The following DENND4C variants were observed in gnomAD, a reference collection of about 807,000 sequenced individuals.
DENND4C encodes the protein DENN domain containing 4C.
Under a neutral mutation model 203.0 loss-of-function variants are expected in DENND4C, and 108 were observed. The ratio of observed to expected loss-of-function variants is 0.53; its 90% CI spans 0.46 to 0.62. The LOEUF (loss-of-function observed/expected upper bound fraction) is 0.62, where lower values mean the gene tolerates loss of function less well. Ranked by LOEUF, DENND4C falls within the 20% of genes least tolerant of loss-of-function variation. The pLI is 0.00. For missense variants in DENND4C, 2,481 were observed against 2,301.2 expected (o/e 1.08, Z -1.60); for synonymous variants, 871 against 792.4 (o/e 1.10, Z -1.67).
intron 1 of DENND4C, among the ~76,000 whole-genome samples, chr9:19,267,259 T>C (rs541737185): frequency 6.2e-4 from 94 of 152,342 alleles, no homozygotes; most frequent in Middle Eastern, 3.4e-3. Flanking sequence ...TTAGCTCTAA[T>C]AATGTTTACT....
At chr9:19,350,635 G>T in intron 23 of DENND4C, 67 bp from the exon 24 acceptor site, 1 of 1,333,672 alleles carries the variant, frequency 7.5e-7, no homozygotes, top group Non-Finnish European at 1.0e-6. Context: ...GAAAAGGGTA[G>T]AGTGGGTATA....
At chr9:19,344,974 C>G (rs933976300) in intron 22 of DENND4C, among the ~76,000 whole-genome samples, 1 of 152,100 alleles carries the variant, frequency 6.6e-6, no homozygotes, top group Admixed American at 6.5e-5. Flanking sequence ...GAGAGCTCTC[C>G]TTTAAGGGCT....
intron 12 of DENND4C, among the ~76,000 whole-genome samples, chr9:19,317,517 T>C (rs1842059118): frequency 6.6e-6 from 1 of 152,220 alleles, no homozygotes. Flanking sequence ...TACATCTATA[T>C]CAATATTTAT....
intron 1 of DENND4C, among the ~76,000 whole-genome samples, chr9:19,271,192 A>T (rs1416473935): frequency 6.6e-6 from 1 of 150,422 alleles, no homozygotes; most frequent in African/African-American, 2.4e-5. Flanking sequence ...GTAAAAATTA[A>T]TATGGATTCT....
chr9:19,328,176 T>C lies in DENND4C; in HGVS notation c.2253+14T>C. The C allele has an allele frequency of 6.3e-7, 1 of 1,593,508 alleles. No homozygotes were observed. The highest frequency in any genetic ancestry group is 8.5e-7 in the Non-Finnish European group (1 of 1,173,606). On this transcript the variant is annotated intron_variant, in intron 16 of 32. Coordinates refer to ENST00000434457, the MANE Select transcript of DENND4C (RefSeq NM_001330640.2). Reference sequence around the variant, plus strand: ...AGAACTAAACAGGTCAGATATTCTTTATCTAATACATGTTCATTTAAGATG... The same window carrying C: ...AGAACTAAACAGGTCAGATATTCTTCATCTAATACATGTTCATTTAAGATG...
At chr9:19,303,220 G>C (rs749052298) in intron 9 of DENND4C, among the ~76,000 whole-genome samples, 4 of 151,946 alleles carry the variant, frequency 2.6e-5, no homozygotes, top group Non-Finnish European at 5.9e-5. Flanking sequence ...AAAAAGTGTT[G>C]GATTTTGCAG....
chr9:19,243,367 A>T (rs1272779358), intron 1 of DENND4C, among the ~76,000 whole-genome samples: 1 of 152,224 alleles, frequency 6.6e-6, no homozygotes, highest in Admixed American at 6.5e-5. Flanking sequence ...TTAACATAAC[A>T]TGAAATTTGC....
intron 1 of DENND4C, among the ~76,000 whole-genome samples, chr9:19,237,649 C>T (rs1207296557): frequency 5.3e-5 from 8 of 152,148 alleles, no homozygotes; most frequent in Non-Finnish European, 8.8e-5. Flanking sequence ...AGCCATCGCA[C>T]CCAGCCAGGA....
At chr9:19,263,551 G>GT (rs1417259955) in intron 1 of DENND4C, among the ~76,000 whole-genome samples, 1 of 151,622 alleles carries the variant, frequency 6.6e-6, no homozygotes, top group Non-Finnish European at 1.5e-5. Context: ...TAGAAACAAG[G>GT]TTTCACCCTG....
In DENND4C at chr9:19,345,937, G is replaced by T; in HGVS notation, c.3168G>T (p.Val1056=). 6.2e-7 allele frequency: 1 copy of T among 1,611,636 alleles called. No homozygotes were observed. The highest frequency in any genetic ancestry group is 8.5e-7 in the Non-Finnish European group (1 of 1,178,982). The part of the protein sequence containing the change: ...RKSSTGSISN[V]LFSTQDPVED... ...CCCTTTTAGGTAGTATATCAAATGTGCTGTTTTCTACTCAAGATCCAGTTG... is the reference window on the plus strand; with the variant it reads ...CCCTTTTAGGTAGTATATCAAATGTTCTGTTTTCTACTCAAGATCCAGTTG... Residue 1056 remains valine, a synonymous_variant, in exon 23 of 33, where the codon GTG becomes GTT. Transcript: ENST00000434457.
At chr9:19,231,560 C>T (rs1820569376) in intron 1 of DENND4C, among the ~76,000 whole-genome samples, 1 of 151,120 alleles carries the variant, frequency 6.6e-6, no homozygotes, top group South Asian at 2.1e-4. Context: ...TTTTTCCTCC[C>T]CTTTTCTGCT....
Position 19,346,124 on chromosome 9 carries a change from G to T in DENND4C, c.3355G>T (p.Ala1119Ser), listed in dbSNP as rs1440641378. ...TTTGGATTCGAATTCAAGTGAAATG[G>T]CTATCATGATGGGAGCAGATGCCAA... Reference protein sequence around the residue: ...SSLDSNSSEMAIMMGADAKIL... With the variant: ...SSLDSNSSEMSIMMGADAKIL... Residue 1119 changes from alanine (A) to serine (S), a missense_variant, in exon 23 of 33, where the codon GCT becomes TCT. By Grantham distance (99) the Ala-to-Ser change is moderately conservative. This residue lies in a region of DENND4C where 2,289 missense variants were observed against 2,113.3 expected (regional missense o/e 1.08). Coordinates refer to ENST00000434457, the MANE Select transcript of DENND4C (RefSeq NM_001330640.2). The T allele has an allele frequency of 1.2e-6, 2 of 1,614,088 alleles. No individual in the cohort carries two copies. The highest frequency in any genetic ancestry group is 4.5e-5 in the East Asian group (2 of 44,898).
intron 1 of DENND4C, among the ~76,000 whole-genome samples, chr9:19,233,152 G>GTT (rs1199644669): frequency 6.6e-6 from 1 of 152,002 alleles, no homozygotes; most frequent in African/African-American, 2.4e-5. Context: ...TGTTTCATTT[G>GTT]TTTTTTTGAT....
chr9:19,304,061 AAC>A (rs1491362351), intron 9 of DENND4C, among the ~76,000 whole-genome samples: 4 of 150,800 alleles, frequency 2.7e-5, no homozygotes, highest in African/African-American at 9.8e-5. Flanking sequence ...AAAAAAAAAA[AAC>A]CCACAAATGA....
chr9:19,289,501 C>T (rs752126674), intron 4 of DENND4C, among the ~76,000 whole-genome samples: 28 of 152,124 alleles, frequency 1.8e-4, no homozygotes, highest in African/African-American at 3.9e-4. Flanking sequence ...ATAATGGCAA[C>T]GACTAACGTA....
chr9:19,371,557 C>A, intron 31 of DENND4C, 199 bp from the exon 32 acceptor site: 1 of 360,796 alleles, frequency 2.8e-6, no homozygotes, highest in South Asian at 3.9e-5. Flanking sequence ...GTACAGAATT[C>A]AATGTAGCCT....
intron 30 of DENND4C, 23 bp from the exon 31 acceptor site, chr9:19,369,814 A>C: frequency 7.1e-7 from 1 of 1,412,732 alleles, no homozygotes; most frequent in Non-Finnish European, 9.3e-7. Context: ...TTGAAAAAAA[A>C]CTTACTGTGT....
intron 2 of DENND4C, among the ~76,000 whole-genome samples, chr9:19,280,421 A>G (rs1226775086): frequency 1.3e-5 from 2 of 152,204 alleles, no homozygotes; most frequent in Admixed American, 6.5e-5. Context: ...TTGAGGTTAC[A>G]GGCATGAGCC....
intron 22 of DENND4C, 46 bp from the exon 23 acceptor site, chr9:19,345,875 A>T (rs750696419): frequency 4.0e-5 from 58 of 1,454,846 alleles, no homozygotes; most frequent in Non-Finnish European, 5.4e-5. Flanking sequence ...AATAAAAGTT[A>T]ACTTGGAAAA....
Sources: gnomAD v4.1 joint callset for allele counts (sites outside exome capture counted in the v4.1 genomes callset) on GRCh38, gnomAD v4.1.1 for gene constraint, gnomAD v4.1.1 regional missense constraint, MANE v1.5 for transcripts, NCBI Gene and HGNC (gene_info 2026-07-23, HGNC 2026-07-21) for gene names.